Variants in MKNK1 observed in about 807,000 individuals in gnomAD.
MKNK1 encodes MAPK interacting serine/threonine kinase 1, also known as MAP kinase-interacting serine/threonine-protein kinase 1.
Under a neutral mutation model 49.3 loss-of-function variants are expected in MKNK1, and 30 were observed. That is an observed-to-expected ratio of 0.61 (90% CI 0.46 to 0.83). The LOEUF (loss-of-function observed/expected upper bound fraction) is 0.83, where lower values mean the gene tolerates loss of function less well. MKNK1 is among the 40% of genes least tolerant of loss of function. MKNK1 has a pLI of 0.00. For synonymous variants in MKNK1, 176 were observed against 201.7 expected (o/e 0.87, Z 1.08); for missense variants, 423 against 524.7 (o/e 0.81, Z 1.89).
At chr1:46,565,472 C>A in intron 8 of MKNK1, 1 of 323,852 alleles carries the variant, frequency 3.1e-6, no homozygotes, top group Non-Finnish European at 5.9e-6. Context: ...ACTGTGTACT[C>A]CTGAGAGACA....
Position 46,565,242 on chromosome 1 carries a change from G to C in MKNK1, c.514-106C>G. On this transcript the variant is annotated intron_variant, in intron 8 of 12. Transcript: ENST00000371945. ...ATGGCTCCGTGGCTGTCACACCGCA[G>C]CTGGTTTTGTCAGGTCATGTTTGCT... 6 of 1,021,112 alleles carry C rather than the reference G, an allele frequency of 5.9e-6. No homozygotes were observed. The Middle Eastern group carries it at 6.4e-4, about 109-fold the overall frequency. The allele number at this position is 1,021,112 out of a possible 1,614,324, so 63.3% of individuals were successfully genotyped here. A position where few individuals can be genotyped will look rare whatever the true frequency, so the allele number is the denominator to read the frequency against.
chr1:46,585,886 G>A (rs765235206), intron 2 of MKNK1: 1 of 1,351,830 alleles, frequency 7.4e-7, no homozygotes, highest in South Asian at 1.1e-5. Flanking sequence ...GGTATATTCT[G>A]CATGGATTTC....
chr1:46,570,367 C>T (rs1254772131), intron 7 of MKNK1: 1 of 152,250 alleles, frequency 6.6e-6, no homozygotes, highest in Non-Finnish European at 1.5e-5. Flanking sequence ...TGCATCCCAG[C>T]TTTCAGAAAC....
At position 46,565,400 on chromosome 1, in the gene MKNK1, G is replaced by T. The variant is rs1418739851; in HGVS notation, c.514-264C>A. 5 of 476,500 alleles carry T rather than the reference G, an allele frequency of 1.0e-5. No homozygotes were observed. In the East Asian group the frequency reaches 1.2e-4, roughly 11 times the overall value. The allele number at this position is 476,500 out of a possible 1,614,324, so 29.5% of individuals were successfully genotyped here. The stretch of plus-strand genomic sequence containing the variant: ...AGATTATTGTGAACTCAGACTAAAG[G>T]AAGTATGGAACTCTTGCTGGCAAAT... On this transcript the variant is annotated intron_variant, in intron 8 of 12. Transcript: ENST00000371945.
chr1:46,573,268 T>C (rs1670469910), intron 6 of MKNK1, among the ~76,000 whole-genome samples: 2 of 152,206 alleles, frequency 1.3e-5, no homozygotes, highest in Non-Finnish European at 2.9e-5. Context: ...GCTGCAGGGA[T>C]GGACTCTCTT....
chr1:46,576,726 G>A, intron 4 of MKNK1, 72 bp from the exon 5 acceptor site: 1 of 1,309,410 alleles, frequency 7.6e-7, no homozygotes, highest in Non-Finnish European at 1.1e-6. Flanking sequence ...GAGTCCTCTG[G>A]GAGAATGCAA....
chr1:46,560,457 C>T (rs566587870), intron 11 of MKNK1, among the ~76,000 whole-genome samples, 180 bp from the exon 12 acceptor site: 5 of 152,296 alleles, frequency 3.3e-5, no homozygotes, highest in East Asian at 3.9e-4. Context: ...AATCTGCAGC[C>T]GCAGCCCCCA....
intron 9 of MKNK1, among the ~76,000 whole-genome samples, chr1:46,563,297 G>A (rs1446589785): frequency 4.6e-5 from 7 of 152,176 alleles, no homozygotes; most frequent in African/African-American, 1.7e-4. Flanking sequence ...TTAAGAGACC[G>A]TCAAAGCTAC....
At position 46,568,429 on chromosome 1, in the gene MKNK1, C is replaced by T; in HGVS notation, c.513+14G>A. The T allele has an allele frequency of 5.0e-6, 8 of 1,613,238 alleles. No individual in the cohort carries two copies. Among genetic ancestry groups the T allele is most frequent in the Non-Finnish European group, 5.9e-6 (7 of 1,179,266 alleles). ...AAGTATAAACTATAACATTCCAAAT[C>T]AGGCCCAAAGTACCTTTTCTGGAGA... On this transcript the variant is annotated intron_variant, in intron 8 of 12. Coordinates refer to ENST00000371945, the MANE Select transcript of MKNK1 (RefSeq NM_001135553.4).
intron 5 of MKNK1, 139 bp downstream of exon 5, chr1:46,576,436 A>T (rs1670968173): frequency 4.5e-6 from 3 of 670,614 alleles, no homozygotes; most frequent in African/African-American, 3.6e-5. Flanking sequence ...CTAACACTGA[A>T]AGGGGCGGAA....
intron 6 of MKNK1, among the ~76,000 whole-genome samples, chr1:46,572,855 C>T (rs1173435612): frequency 2.0e-5 from 3 of 152,176 alleles, no homozygotes; most frequent in South Asian, 2.1e-4. Context: ...TGCATCTGAT[C>T]TCTGATCCAA....
chr1:46,569,228 AG>A (rs1411691400), intron 7 of MKNK1: 1 of 152,258 alleles, frequency 6.6e-6, no homozygotes, highest in Non-Finnish European at 1.5e-5. Flanking sequence ...AGGCCCACTG[AG>A]GGTTGCTGTT....
chr1:46,568,532 T>A (rs765184077), intron 7 of MKNK1, 34 bp from the exon 8 acceptor site: 2 of 1,590,834 alleles, frequency 1.3e-6, no homozygotes, highest in East Asian at 4.5e-5. Context: ...ATGGTTAACA[T>A]ATGCAGATAA....
intron 2 of MKNK1, among the ~76,000 whole-genome samples, chr1:46,592,301 G>A (rs1417847774): frequency 6.6e-6 from 1 of 152,208 alleles, no homozygotes; most frequent in Non-Finnish European, 1.5e-5. Flanking sequence ...GTGGCTACTG[G>A]CACAGTTCAG....
chr1:46,585,249 C>CAAAAAAAAAAAAAAAAAA, intron 2 of MKNK1, among the ~76,000 whole-genome samples: 1 of 62,136 alleles, frequency 1.6e-5, no homozygotes, highest in East Asian at 5.6e-4. Flanking sequence ...GATTCCGTCT[C>CAAAAAAAAAAAAAAAAAA]AAAAAAAAAA....
At chr1:46,575,644 G>GTAAC (rs1670846344) in intron 5 of MKNK1, 1 of 152,264 alleles carries the variant, frequency 6.6e-6, no homozygotes, top group Admixed American at 6.5e-5. Context: ...AGGTCGTCTT[G>GTAAC]TAACTCAGTA....
intron 6 of MKNK1, chr1:46,572,383 T>C (rs551202297): frequency 5.3e-5 from 21 of 398,590 alleles, no homozygotes; most frequent in African/African-American, 4.1e-4. Flanking sequence ...CAGCTAATTT[T>C]TGTACTTTTT....
chr1:46,561,762 G>C (rs1668021650), intron 10 of MKNK1, 120 bp from the exon 11 acceptor site: 7 of 1,138,384 alleles, frequency 6.1e-6, no homozygotes, highest in Non-Finnish European at 8.7e-6. Flanking sequence ...ATGGCTTGGG[G>C]ATGCCACAGA....
At chr1:46,585,409 C>G (rs533236242) in intron 2 of MKNK1, 1 of 162,374 alleles carries the variant, frequency 6.2e-6, no homozygotes, top group Non-Finnish European at 1.3e-5. Context: ...CAGGGTCACT[C>G]ATCTTCAGGA....
Sources: allele counts gnomAD v4.1 joint callset (sites outside exome capture counted in the v4.1 genomes callset), GRCh38; gene constraint gnomAD v4.1.1; transcripts MANE v1.5; gene names NCBI Gene and HGNC (gene_info 2026-07-23, HGNC 2026-07-21).